Variants in PNPLA7 observed in about 807,000 individuals in gnomAD.
PNPLA7 encodes patatin-like phospholipase domain-containing protein 7.
Under a neutral mutation model 161.7 loss-of-function variants are expected in PNPLA7, and 153 were observed. The observed-to-expected ratio is 0.95, with a 90% CI of 0.83 to 1.08. The LOEUF (loss-of-function observed/expected upper bound fraction) is 1.08. Among genes scored for constraint, PNPLA7 ranks in the 50% least tolerant of loss-of-function variants. The pLI is 0.00. For synonymous variants in PNPLA7, 809 were observed against 782.1 expected (o/e 1.03, Z -0.57); for missense variants, 1,739 against 1,856.6 (o/e 0.94, Z 1.16).
rs1254991396 is a variant in PNPLA7 at position 137,462,755 on chromosome 9, T to A, written c.3422A>T (p.Asn1141Ile). The A allele has an allele frequency of 6.2e-7, 1 of 1,613,754 alleles. No homozygotes were observed. The highest frequency in any genetic ancestry group is 8.5e-7 in the Non-Finnish European group (1 of 1,179,926). ...CCACCCAGACAGCGCATCCCCATAG[T>A]TGGTGAGGTCCGTCTCATCTCGGCT... ...VGSRDETDLT[N>I]YGDALSGWWL... The change falls in exon 30 of 35, where the codon AAC becomes ATC. Residue 1141 changes from asparagine to isoleucine, a missense_variant. Transcript: ENST00000406427.
At chr9:137,503,641 G>A (rs2132317757) in intron 14 of PNPLA7, among the ~76,000 whole-genome samples, 1 of 141,748 alleles carries the variant, frequency 7.1e-6, no homozygotes, top group Non-Finnish European at 1.5e-5. Context: ...GGGAGAAGGA[G>A]AAGGGGGAGG....
Position 137,495,211 on chromosome 9 carries a change from C to T in PNPLA7, c.2014-65G>A, listed in dbSNP as rs1832988570. ...AGGGCCGAGCCAGCTGGACCTGTCC[C>T]TGACAGCCTCCGGTGCCTGCCAGAG... On this transcript the variant is annotated intron_variant, in intron 18 of 34. Coordinates refer to ENST00000406427, the MANE Select transcript of PNPLA7 (RefSeq NM_001098537.3). The T allele has an allele frequency of 3.3e-6, 4 of 1,212,496 alleles. No homozygotes were observed. The East Asian group carries it at 9.5e-5, about 29-fold the overall frequency. The allele number at this position is 1,212,496 out of a possible 1,614,324, so 75.1% of individuals were successfully genotyped here.
In PNPLA7 at chr9:137,521,707, C is replaced by G. The variant is rs1835000368; in HGVS notation, c.886G>C (p.Val296Leu). ...TLVRVVQIIM[V>L]RLQRVTFLAL... Reference sequence around the variant, plus strand: ...AGAAAGGTCACCCTCTGCAGCCGCACCATGATGATCTGCAAGAACACGCCA... The same window carrying G: ...AGAAAGGTCACCCTCTGCAGCCGCAGCATGATGATCTGCAAGAACACGCCA... The change falls in exon 10 of 35, where the codon GTG becomes CTG. Residue 296 changes from valine (V) to leucine (L), a missense_variant. Transcript: ENST00000406427. 1 of 1,610,616 alleles carries G rather than the reference C, an allele frequency of 6.2e-7. No individual in the cohort carries two copies. Among genetic ancestry groups the G allele is most frequent in the Non-Finnish European group, 8.5e-7 (1 of 1,179,696 alleles).
Position 137,542,692 on chromosome 9 carries a change from T to TG in PNPLA7, c.615dup (p.Ser206GlnfsTer18), listed in dbSNP as rs369584887. ...CGCCCGTCCTGCACCACACAGATGC[T>TG]GGGGTCCGGCTCCCTGGGCTGGAAG... On this transcript the variant is annotated frameshift_variant, in exon 7 of 35. Transcript: ENST00000406427. LOFTEE classifies it high-confidence loss of function. 1.9e-4 allele frequency: 312 copies of TG among 1,613,342 alleles called. 1 individual carries two copies. In the African/African-American group the frequency reaches 3.6e-3, roughly 19 times the overall value.
At chr9:137,501,410 G>A (rs188277909) in intron 15 of PNPLA7, among the ~76,000 whole-genome samples, 157 of 152,322 alleles carry the variant, frequency 1.0e-3, no homozygotes, top group African/African-American at 3.3e-3. Flanking sequence ...CTGCTTGCCC[G>A]GCCCACTCTC....
chr9:137,521,132 G>A (rs1245537721), intron 10 of PNPLA7, among the ~76,000 whole-genome samples: 1 of 152,114 alleles, frequency 6.6e-6, no homozygotes, highest in Non-Finnish European at 1.5e-5. Flanking sequence ...GACCCCATGG[G>A]ATGGGCATGG....
chr9:137,546,182 T>C lies in PNPLA7; in HGVS notation c.273+648A>G, dbSNP rs954789363. On this transcript the variant is annotated intron_variant, in intron 4 of 34. Transcript: ENST00000406427. ...GATATGCAGAAATAATGGCATAAGC[T>C]ATCTTTCTCTCTCTCTCCTCTCTCT... 4.6e-5 allele frequency among the ~76,000 whole-genome samples: 7 copies of C among 152,074 alleles called. No homozygotes were observed. The East Asian group carries it at 1.3e-3, about 29-fold the overall frequency.
rs148091410 is a variant in PNPLA7 at position 137,501,660 on chromosome 9, T to A, written c.1541A>T (p.Gln514Leu). 12 of 1,611,692 alleles carry A rather than the reference T, an allele frequency of 7.4e-6. No individual in the cohort carries two copies. The East Asian group carries it at 2.0e-4, about 27-fold the overall frequency. ...CAGACCCCCGCTCACCTGGTCTCCC[T>A]GCCTTGACACCACCGTGCCTGCAGG... The part of the protein sequence containing the change: ...HVPAGTVVSR[Q>L]GDQDASILFV... Residue 514 changes from glutamine (Q) to leucine (L), a missense_variant, in exon 15 of 35, where the codon CAG (glutamine) becomes CTG (leucine). Physicochemically the swap from Gln to Leu is moderately radical, Grantham distance 113. This residue lies in a region of PNPLA7 where 481 missense variants were observed against 450.0 expected (regional missense o/e 1.07). Coordinates refer to ENST00000406427, the MANE Select transcript of PNPLA7 (RefSeq NM_001098537.3).
chr9:137,505,849 C>T (rs1022157488), intron 13 of PNPLA7, 89 bp from the exon 14 acceptor site: 95 of 1,555,554 alleles, frequency 6.1e-5, no homozygotes, highest in Middle Eastern at 3.4e-4. Flanking sequence ...TCGCACAGTG[C>T]GGAAAGGCCG....
intron 10 of PNPLA7, among the ~76,000 whole-genome samples, chr9:137,521,358 G>A (rs977165626): frequency 3.3e-5 from 5 of 152,234 alleles, no homozygotes; most frequent in African/African-American, 9.6e-5. Context: ...ATCGGAGAAG[G>A]AATTCCACCT....
In PNPLA7 at chr9:137,550,037, A is replaced by C. The variant is rs559800310; in HGVS notation, c.30+131T>G. ...GAGAGGGGCCAGATCCACCACTCCC[A>C]CAGTCCTCAGGCGCCAAGAAGCCAC... On this transcript the variant is annotated intron_variant, in intron 1 of 34. Coordinates refer to ENST00000406427, the MANE Select transcript of PNPLA7 (RefSeq NM_001098537.3). 33 of 1,094,078 alleles carry C rather than the reference A, an allele frequency of 3.0e-5. No homozygotes were observed. The African/African-American group carries it at 4.2e-4, about 14-fold the overall frequency. The allele number at this position is 1,094,078 out of a possible 1,614,324, so 67.8% of individuals were successfully genotyped here. A position where few individuals can be genotyped will look rare whatever the true frequency, so the allele number is the denominator to read the frequency against.
At chr9:137,501,849 C>G (rs1156556678) in intron 14 of PNPLA7, 122 bp from the exon 15 acceptor site, 1 of 991,688 alleles carries the variant, frequency 1.0e-6, no homozygotes, top group Admixed American at 2.3e-5. Context: ...GGGCAAGGCC[C>G]TCCTCCGAGG....
At chr9:137,514,998 G>A (rs1032264894) in intron 12 of PNPLA7, among the ~76,000 whole-genome samples, 4 of 152,186 alleles carry the variant, frequency 2.6e-5, no homozygotes, top group African/African-American at 7.2e-5. Context: ...GGAGGCACAC[G>A]TCAGCAGGGC....
intron 20 of PNPLA7, chr9:137,492,407 G>A: frequency 1.8e-6 from 1 of 567,296 alleles, no homozygotes; most frequent in Non-Finnish European, 2.2e-6. Flanking sequence ...TGCCCACATT[G>A]AGATACAGTT....
At chr9:137,550,077 C>A in intron 1 of PNPLA7, 91 bp downstream of exon 1, 2 of 1,515,088 alleles carry the variant, frequency 1.3e-6, no homozygotes, top group Non-Finnish European at 9.2e-7. Flanking sequence ...CCAAAGAGCG[C>A]GGCAGAGCAG....
rs1217575368 is a variant in PNPLA7 at position 137,479,206 on chromosome 9, A to G, written c.2613T>C (p.Arg871=). Reference sequence around the variant, plus strand: ...GCAGCAGGATCAGCTGCTTCTGGGCACGCACAGCTGTGCTCTCCAGCATCC... The same window carrying G: ...GCAGCAGGATCAGCTGCTTCTGGGCGCGCACAGCTGTGCTCTCCAGCATCC... ...LERMLESTAV[R]AQKQLILLHR... Residue 871 remains arginine (R), a synonymous_variant, in exon 24 of 35, where the codon CGT becomes CGC. Coordinates refer to ENST00000406427, the MANE Select transcript of PNPLA7 (RefSeq NM_001098537.3). 6.4e-7 allele frequency: 1 copy of G among 1,556,318 alleles called. No homozygotes were observed. Among genetic ancestry groups the G allele is most frequent in the Non-Finnish European group, 8.7e-7 (1 of 1,151,082 alleles).
intron 21 of PNPLA7, among the ~76,000 whole-genome samples, chr9:137,482,874 T>C (rs1588568163): frequency 6.6e-6 from 1 of 152,364 alleles, no homozygotes; most frequent in African/African-American, 2.4e-5. Flanking sequence ...AGTGGGTTTT[T>C]TGTTTGTTTT....
At chr9:137,475,519 C>T (rs1014225530) in intron 25 of PNPLA7, among the ~76,000 whole-genome samples, 15 of 152,186 alleles carry the variant, frequency 9.9e-5, no homozygotes, top group East Asian at 5.8e-4. Flanking sequence ...CGACTACAGG[C>T]GCCCGCCACC....
rs760784431 is a variant in PNPLA7 at position 137,516,376 on chromosome 9, T to G, written c.1085-857A>C. 1,289 of 984,704 alleles carry G rather than the reference T, an allele frequency of 1.3e-3. 2 individuals carry two copies. The highest frequency in any genetic ancestry group is 1.5e-3 in the Non-Finnish European group (1,214 of 829,840). The allele number at this position is 984,704 out of a possible 1,614,324, so 61.0% of individuals were successfully genotyped here. ...AGGAGGCTGCCCTGCCTGGACACTG[T>G]CCTTACCTACAGAGGCCCATGAGCA... is the stretch of plus-strand genomic sequence containing the variant. On this transcript the variant is annotated intron_variant, in intron 11 of 34. Transcript: ENST00000406427.
Sources: allele counts gnomAD v4.1 joint callset (sites outside exome capture counted in the v4.1 genomes callset), GRCh38; gene constraint gnomAD v4.1.1; regional missense constraint gnomAD v4.1.1; transcripts MANE v1.5; gene names NCBI Gene and HGNC (gene_info 2026-07-23, HGNC 2026-07-21).